GREB1L: variants seen among roughly 807,000 people sequenced by gnomAD.
GREB1L encodes the protein GREB1-like protein.
A neutral mutation model predicts 200.8 loss-of-function variants in GREB1L; 17 were observed. The ratio of observed to expected loss-of-function variants is 0.08; its 90% CI spans 0.06 to 0.13. The LOEUF is 0.13. GREB1L is among the 10% of genes least tolerant of loss of function. GREB1L has a pLI of 1.00. For missense variants in GREB1L, 1,657 were observed against 2,367.7 expected (o/e 0.70, Z 6.23); for synonymous variants, 789 against 893.0 (o/e 0.88, Z 2.08).
chr18:21,320,018 A>G (rs996625971), intron 1 of GREB1L, among the ~76,000 whole-genome samples: 4 of 152,222 alleles, frequency 2.6e-5, no homozygotes, highest in African/African-American at 7.2e-5. Context: ...TTTAACTTCC[A>G]CTTCTCTTCT....
chr18:21,277,493 C>G (rs2038188146), intron 1 of GREB1L, among the ~76,000 whole-genome samples: 1 of 152,184 alleles, frequency 6.6e-6, no homozygotes, highest in Non-Finnish European at 1.5e-5. Context: ...TTTGCATGCT[C>G]TTACTCATTT....
intron 1 of GREB1L, among the ~76,000 whole-genome samples, chr18:21,350,096 T>C (rs1053080249): frequency 6.6e-6 from 1 of 152,200 alleles, no homozygotes; most frequent in African/African-American, 2.4e-5. Flanking sequence ...CAGGTCTGTC[T>C]GCATGTCTAG....
chr18:21,401,140 C>T lies in GREB1L; in HGVS notation c.533-10C>T. ...AAGGCCATTAGTAACATTGGTTTTCCTGACTTCAGGGTTTTCTGGAAATTG... is the reference window on the plus strand; with the variant it reads ...AAGGCCATTAGTAACATTGGTTTTCTTGACTTCAGGGTTTTCTGGAAATTG... On this transcript the variant is annotated splice_polypyrimidine_tract_variant and intron_variant, in intron 5 of 32. Coordinates refer to ENST00000424526, the MANE Select transcript of GREB1L (RefSeq NM_001142966.3). 1 of 1,550,396 alleles carries T rather than the reference C, an allele frequency of 6.4e-7. No individual in the cohort carries two copies. Among genetic ancestry groups the T allele is most frequent in the East Asian group, 2.4e-5 (1 of 40,886 alleles).
At chr18:21,520,929 C>T in intron 32 of GREB1L, 106 bp downstream of exon 32, 2 of 971,130 alleles carry the variant, frequency 2.1e-6, no homozygotes, top group South Asian at 3.6e-5. Flanking sequence ...GGCGCAGTGG[C>T]TCAACGCCTG....
chr18:21,275,471 T>C (rs1294591972), intron 1 of GREB1L, among the ~76,000 whole-genome samples: 1 of 151,982 alleles, frequency 6.6e-6, no homozygotes, highest in East Asian at 2.0e-4. Flanking sequence ...CTGGCCAACA[T>C]AGTGAAATCT....
intron 1 of GREB1L, among the ~76,000 whole-genome samples, chr18:21,277,842 T>C (rs767534191): frequency 1.3e-5 from 2 of 152,174 alleles, no homozygotes; most frequent in Non-Finnish European, 2.9e-5. Context: ...AGGGCAGGGA[T>C]CTCATTTTTT....
At chr18:21,251,520 C>T (rs2037703821) in intron 1 of GREB1L, among the ~76,000 whole-genome samples, 1 of 151,906 alleles carries the variant, frequency 6.6e-6, no homozygotes, top group Non-Finnish European at 1.5e-5. Context: ...AAACAAGAAA[C>T]AAGAGGTATA....
chr18:21,412,749 AT>A (rs1355113045), intron 7 of GREB1L, among the ~76,000 whole-genome samples: 1 of 151,888 alleles, frequency 6.6e-6, no homozygotes, highest in African/African-American at 2.4e-5. Context: ...TTTCATAGAT[AT>A]TTGCCTGTGG....
intron 16 of GREB1L, among the ~76,000 whole-genome samples, chr18:21,475,591 C>T (rs961726880): frequency 1.3e-5 from 2 of 151,978 alleles, no homozygotes; most frequent in African/African-American, 2.4e-5. Flanking sequence ...CTCCTGACCT[C>T]GTGATCCACC....
intron 1 of GREB1L, among the ~76,000 whole-genome samples, chr18:21,263,283 C>T (rs1241768073): frequency 2.0e-5 from 3 of 152,180 alleles, no homozygotes; most frequent in Admixed American, 6.5e-5. Flanking sequence ...AGCACAGACT[C>T]ATATTGAAGG....
intron 1 of GREB1L, among the ~76,000 whole-genome samples, chr18:21,343,230 A>G (rs1405528055): frequency 1.3e-5 from 2 of 152,210 alleles, no homozygotes; most frequent in Non-Finnish European, 2.9e-5. Flanking sequence ...ATAGTGAACT[A>G]AAGTGCCCCG....
chr18:21,495,006 C>G (rs765040973), intron 19 of GREB1L, among the ~76,000 whole-genome samples: 3 of 152,096 alleles, frequency 2.0e-5, no homozygotes, highest in Non-Finnish European at 2.9e-5. Context: ...AACCATAAGC[C>G]AATTACATTA....
chr18:21,310,649 C>T (rs1319804629), intron 1 of GREB1L, among the ~76,000 whole-genome samples: 1 of 152,140 alleles, frequency 6.6e-6, no homozygotes, highest in Non-Finnish European at 1.5e-5. Context: ...GAAAGGATCT[C>T]AGATACCCCC....
intron 7 of GREB1L, among the ~76,000 whole-genome samples, chr18:21,432,079 C>A (rs1357837471): frequency 1.3e-5 from 2 of 151,816 alleles, no homozygotes; most frequent in African/African-American, 4.8e-5. Flanking sequence ...CCTGCCACCG[C>A]GTCCGGCTAA....
intron 11 of GREB1L, among the ~76,000 whole-genome samples, chr18:21,445,607 T>G (rs2034173641): frequency 6.6e-6 from 1 of 152,230 alleles, no homozygotes; most frequent in Non-Finnish European, 1.5e-5. Flanking sequence ...ATAAAAACAC[T>G]GGACTAAATA....
intron 1 of GREB1L, among the ~76,000 whole-genome samples, chr18:21,291,388 T>A (rs2038448302): frequency 6.6e-6 from 1 of 152,182 alleles, no homozygotes; most frequent in Admixed American, 6.5e-5. Flanking sequence ...CTTCACTCAC[T>A]ATCCACTCTT....
intron 1 of GREB1L, among the ~76,000 whole-genome samples, chr18:21,348,577 C>T (rs2039387496): frequency 6.6e-6 from 1 of 151,978 alleles, no homozygotes. Flanking sequence ...GAGTTCGAGA[C>T]CAGCCTGGCC....
chr18:21,415,513 G>A (rs2031541140), intron 7 of GREB1L, among the ~76,000 whole-genome samples: 1 of 151,986 alleles, frequency 6.6e-6, no homozygotes, highest in Non-Finnish European at 1.5e-5. Flanking sequence ...AGGGAGGGAG[G>A]GAAGGAAGGA....
intron 18 of GREB1L, among the ~76,000 whole-genome samples, chr18:21,488,519 T>A (rs2036210146): frequency 6.6e-6 from 1 of 152,176 alleles, no homozygotes; most frequent in African/African-American, 2.4e-5. Flanking sequence ...CCTACCCAGC[T>A]GCTGGTGGCT....
Sources: allele counts gnomAD v4.1 joint callset (sites outside exome capture counted in the v4.1 genomes callset), GRCh38; gene constraint gnomAD v4.1.1; transcripts MANE v1.5; gene names NCBI Gene and HGNC (gene_info 2026-07-23, HGNC 2026-07-21).